Variants in FBXO36 observed in about 807,000 individuals in gnomAD.
FBXO36 encodes F-box protein 36, also known as F-box only protein 36.
A neutral mutation model predicts 17.0 loss-of-function variants in FBXO36; 18 were observed. That is an observed-to-expected ratio of 1.06 (90% CI 0.73 to 1.57). The LOEUF is 1.57. Ranked by LOEUF, FBXO36 falls within the 40% of genes most tolerant of loss-of-function variation. The pLI, the probability that FBXO36 is intolerant of heterozygous loss-of-function variation, is 0.00. For synonymous variants in FBXO36, 83 were observed against 85.3 expected, an observed-to-expected ratio of 0.97 and a Z score of 0.15; for missense variants, 229 against 221.9, an observed-to-expected ratio of 1.03 and a Z score of -0.20.
chr2:229,935,212 C>G (rs1396292340), intron 1 of FBXO36, among the ~76,000 whole-genome samples: 1 of 152,050 alleles, frequency 6.6e-6, no homozygotes, highest in African/African-American at 2.4e-5. Context: ...TCTGACCAAC[C>G]CCCTGGATTT....
chr2:229,933,920 AG>A (rs745310195), intron 1 of FBXO36, among the ~76,000 whole-genome samples: 31 of 152,022 alleles, frequency 2.0e-4, no homozygotes, highest in Non-Finnish European at 4.0e-4. Flanking sequence ...TCCTGAACTC[AG>A]GTGATCTGCC....
intron 1 of FBXO36, among the ~76,000 whole-genome samples, chr2:229,926,777 G>A (rs1444201648): frequency 6.6e-6 from 1 of 151,836 alleles, no homozygotes; most frequent in African/African-American, 2.4e-5. Flanking sequence ...AGCTCTAGTA[G>A]TTTACATATA....
At chr2:229,960,914 G>A (rs2077117315) in intron 1 of FBXO36, among the ~76,000 whole-genome samples, 1 of 152,092 alleles carries the variant, frequency 6.6e-6, no homozygotes, top group African/African-American at 2.4e-5. Context: ...TTCGAGACCA[G>A]CCTGGCCAAC....
At position 230,010,922 on chromosome 2, in the gene FBXO36, C is replaced by T; in HGVS notation, c.*38C>T. 6.5e-7 allele frequency: 1 copy of T among 1,546,718 alleles called. No homozygotes were observed. Among genetic ancestry groups the T allele is most frequent in the Non-Finnish European group, 8.8e-7 (1 of 1,141,410 alleles). On this transcript the variant is annotated 3_prime_UTR_variant, in exon 4 of 4. Transcript: ENST00000283946. ...CTACCAGCAGGGAGCTCAGGCATGG[C>T]TGTGTTTCTCTTCAGTGTCCAAATC...
At chr2:229,922,882 C>T (rs190804056) in intron 1 of FBXO36, among the ~76,000 whole-genome samples, 2 of 152,192 alleles carry the variant, frequency 1.3e-5, no homozygotes, top group African/African-American at 2.4e-5. Flanking sequence ...GGCTTCTTAC[C>T]CGTAGAGTTT....
chr2:229,949,782 G>C (rs1220737305), intron 1 of FBXO36, among the ~76,000 whole-genome samples: 1 of 152,042 alleles, frequency 6.6e-6, no homozygotes, highest in African/African-American at 2.4e-5. Context: ...AAAATTAGCC[G>C]GGCGTGGTGG....
At chr2:229,945,747 G>A (rs1463562394) in intron 1 of FBXO36, among the ~76,000 whole-genome samples, 1 of 152,074 alleles carries the variant, frequency 6.6e-6, no homozygotes, top group Non-Finnish European at 1.5e-5. Context: ...TGGAAGCCAG[G>A]CGCGGTGGCT....
intron 1 of FBXO36, among the ~76,000 whole-genome samples, chr2:229,931,560 G>C (rs1224296425): frequency 2.6e-5 from 4 of 152,140 alleles, no homozygotes; most frequent in African/African-American, 9.7e-5. Flanking sequence ...GATGTTTCAC[G>C]ACCGGCATGT....
chr2:229,974,166 T>C (rs919142456), intron 1 of FBXO36, among the ~76,000 whole-genome samples: 14 of 152,348 alleles, frequency 9.2e-5, no homozygotes, highest in Middle Eastern at 3.4e-3. Flanking sequence ...TTCTGTGTAC[T>C]GCTCTGTAGA....
intron 1 of FBXO36, among the ~76,000 whole-genome samples, chr2:229,944,558 A>G (rs1006614229): frequency 6.6e-6 from 1 of 151,200 alleles, no homozygotes. Flanking sequence ...TTCAATAGTT[A>G]GTGGCTAGCA....
rs761870007 is a variant in FBXO36 at position 229,996,761 on chromosome 2, C to A, written c.216C>A (p.Ala72=). ...LENSHLQGQT[A]LIFGARILDY... ...TTCTTTGAATTACAGGTCAAACTGC[C>A]TTAATATTTGGTGCAAGAATATTAG... Residue 72 remains alanine, a synonymous_variant, in exon 3 of 4, where the codon GCC becomes GCA. Coordinates refer to ENST00000283946, the MANE Select transcript of FBXO36 (RefSeq NM_174899.5). The A allele has an allele frequency of 2.5e-6, 4 of 1,609,190 alleles. No individual in the cohort carries two copies. The highest frequency in any genetic ancestry group is 3.4e-6 in the Non-Finnish European group (4 of 1,178,858).
At chr2:230,008,332 T>C (rs906810226) in intron 3 of FBXO36, among the ~76,000 whole-genome samples, 3 of 152,158 alleles carry the variant, frequency 2.0e-5, no homozygotes, top group Admixed American at 6.5e-5. Context: ...TGACAATTTA[T>C]GTATGCAAAA....
intron 1 of FBXO36, chr2:229,932,904 A>G (rs575936830): frequency 5.4e-4 from 178 of 328,906 alleles, no homozygotes; most frequent in African/African-American, 3.7e-3. Context: ...CCCATCTCTA[A>G]TAAAAACTAA....
At chr2:229,951,584 C>T (rs1485554249) in intron 1 of FBXO36, among the ~76,000 whole-genome samples, 1 of 152,212 alleles carries the variant, frequency 6.6e-6, no homozygotes, top group African/African-American at 2.4e-5. Flanking sequence ...GAAAGGACTT[C>T]CTTATGATGC....
intron 1 of FBXO36, among the ~76,000 whole-genome samples, chr2:229,941,602 A>G (rs1390441868): frequency 4.2e-5 from 6 of 143,886 alleles, no homozygotes; most frequent in East Asian, 2.0e-4. Flanking sequence ...AGGAGAGGCG[A>G]AAAAAAAAAA....
intron 1 of FBXO36, among the ~76,000 whole-genome samples, chr2:229,953,858 G>C (rs1459248642): frequency 2.6e-5 from 4 of 151,842 alleles, no homozygotes; most frequent in African/African-American, 7.3e-5. Context: ...ACAAGTCAAC[G>C]TAATTATTTC....
chr2:229,953,109 G>T (rs1281524987), intron 1 of FBXO36, among the ~76,000 whole-genome samples: 2 of 152,100 alleles, frequency 1.3e-5, no homozygotes, highest in Non-Finnish European at 2.9e-5. Context: ...AGGCTGAGGC[G>T]AGTGAATCAC....
intron 3 of FBXO36, among the ~76,000 whole-genome samples, chr2:230,001,370 C>T (rs2077357781): frequency 6.6e-6 from 1 of 152,030 alleles, no homozygotes; most frequent in South Asian, 2.1e-4. Flanking sequence ...TCACTGCAAC[C>T]TCTGCCTCCT....
At chr2:229,962,222 T>G (rs1013073062) in intron 1 of FBXO36, among the ~76,000 whole-genome samples, 5 of 152,142 alleles carry the variant, frequency 3.3e-5, no homozygotes, top group Admixed American at 1.3e-4. Context: ...TATTTATTTT[T>G]AGGTATTTTA....
Sources: gnomAD v4.1 joint callset for allele counts (sites outside exome capture counted in the v4.1 genomes callset) on GRCh38, gnomAD v4.1.1 for gene constraint, MANE v1.5 for transcripts, NCBI Gene and HGNC (gene_info 2026-07-23, HGNC 2026-07-21) for gene names.